Variants in RALYL observed in about 807,000 individuals in gnomAD.
RALYL encodes the protein RALY RNA binding protein like.
Under a neutral mutation model 35.1 loss-of-function variants are expected in RALYL, and 29 were observed. That is an observed-to-expected ratio of 0.83 (90% CI 0.61 to 1.13). The LOEUF (loss-of-function observed/expected upper bound fraction) is 1.13. Among genes scored for constraint, RALYL ranks in the 50% most tolerant of loss-of-function variants. The pLI, the probability that RALYL is intolerant of heterozygous loss-of-function variation, is 0.00. For synonymous variants in RALYL, 120 were observed against 127.6 expected, an observed-to-expected ratio of 0.94 and a Z score of 0.40; for missense variants, 359 against 360.4, an observed-to-expected ratio of 1.00 and a Z score of 0.03.
chr8:84,605,755 C>T (rs974280744), intron 2 of RALYL, among the ~76,000 whole-genome samples: 2 of 152,068 alleles, frequency 1.3e-5, no homozygotes, highest in African/African-American at 4.8e-5. Context: ...TTGGCCCAAC[C>T]GGTATGAACT....
chr8:84,583,764 G>T (rs1229419745), intron 2 of RALYL, among the ~76,000 whole-genome samples: 2 of 152,110 alleles, frequency 1.3e-5, no homozygotes. Flanking sequence ...GCTAGGCACT[G>T]CTAGGAGGCT....
intron 2 of RALYL, among the ~76,000 whole-genome samples, chr8:84,754,196 G>A (rs563608233): frequency 2.6e-5 from 4 of 151,476 alleles, no homozygotes; most frequent in African/African-American, 7.3e-5. Flanking sequence ...TTGGTGTTTT[G>A]GACATGAAGT....
intron 4 of RALYL, among the ~76,000 whole-genome samples, chr8:84,805,725 T>G (rs1824432467): frequency 6.6e-6 from 1 of 152,122 alleles, no homozygotes. Context: ...CAATAATATG[T>G]TTTTGACATG....
At chr8:84,873,050 A>C (rs1840508205) in intron 6 of RALYL, 1 of 367,452 alleles carries the variant, frequency 2.7e-6, no homozygotes, top group Admixed American at 4.6e-5. Context: ...CATAACCTTC[A>C]GTCAAAAGAT....
rs578252299 is a variant in RALYL at position 84,337,931 on chromosome 8, C to A, written c.-24+153507C>A. Among the ~76,000 whole-genome samples the A allele has an allele frequency of 8.2e-4, 124 of 152,074 alleles. 2 individuals carry two copies. The South Asian group carries it at 0.019, about 23-fold the overall frequency. On this transcript the variant is annotated intron_variant, in intron 1 of 8. Transcript: ENST00000521268. ...CATTCACTGGGAGCTTAAAAAATTC[C>A]CAGAATCATTCTGGGTACCATAATA...
At chr8:84,387,461 T>A (rs371778242) in intron 1 of RALYL, among the ~76,000 whole-genome samples, 1 of 151,908 alleles carries the variant, frequency 6.6e-6, no homozygotes. Context: ...CAGGCTGTAC[T>A]TAATTCAGGT....
intron 1 of RALYL, among the ~76,000 whole-genome samples, chr8:84,289,391 A>T (rs2132199588): frequency 6.6e-6 from 1 of 152,342 alleles, no homozygotes; most frequent in South Asian, 2.1e-4. Flanking sequence ...GGAAGCAGGT[A>T]CGGAGTTTTT....
intron 2 of RALYL, among the ~76,000 whole-genome samples, chr8:84,617,066 G>A (rs1232119701): frequency 6.6e-6 from 1 of 150,802 alleles, no homozygotes; most frequent in Admixed American, 6.6e-5. Flanking sequence ...GATTGACTCG[G>A]TGATGCAGGC....
intron 3 of RALYL, among the ~76,000 whole-genome samples, chr8:84,800,750 G>A (rs1249951130): frequency 1.3e-5 from 2 of 152,116 alleles, no homozygotes; most frequent in African/African-American, 4.8e-5. Flanking sequence ...AGATTAAATT[G>A]ATAAATAATT....
At chr8:84,900,228 C>T (rs1443001012) in intron 8 of RALYL, among the ~76,000 whole-genome samples, 2 of 151,990 alleles carry the variant, frequency 1.3e-5, no homozygotes, top group South Asian at 4.1e-4. Flanking sequence ...TAAAAATAAG[C>T]TTTAAATATA....
intron 2 of RALYL, among the ~76,000 whole-genome samples, chr8:84,637,695 C>T (rs1825369233): frequency 6.6e-6 from 1 of 151,780 alleles, no homozygotes; most frequent in Non-Finnish European, 1.5e-5. Context: ...CTATTTCTAG[C>T]TGTGGTCCTC....
At chr8:84,206,070 T>G (rs537474154) in intron 1 of RALYL, among the ~76,000 whole-genome samples, 1 of 152,142 alleles carries the variant, frequency 6.6e-6, no homozygotes, top group South Asian at 2.1e-4. Flanking sequence ...TCATTTTACT[T>G]TTATTACCTC....
chr8:84,370,146 G>A (rs1056654409), intron 1 of RALYL, among the ~76,000 whole-genome samples: 5 of 152,038 alleles, frequency 3.3e-5, no homozygotes, highest in African/African-American at 9.7e-5. Flanking sequence ...TACAATTTTT[G>A]TTCTAGGATG....
At chr8:84,364,510 T>G (rs1246666758) in intron 1 of RALYL, among the ~76,000 whole-genome samples, 1 of 148,328 alleles carries the variant, frequency 6.7e-6, no homozygotes, top group East Asian at 2.0e-4. Flanking sequence ...TTCTTATTCT[T>G]AGCTTATTCT....
intron 2 of RALYL, among the ~76,000 whole-genome samples, chr8:84,565,588 A>T (rs2061731506): frequency 6.6e-6 from 1 of 151,594 alleles, no homozygotes; most frequent in Admixed American, 6.6e-5. Flanking sequence ...AATTTTTTTG[A>T]AAAATTAAAC....
intron 1 of RALYL, among the ~76,000 whole-genome samples, chr8:84,194,270 G>A (rs1814683646): frequency 1.3e-5 from 2 of 151,898 alleles, no homozygotes; most frequent in South Asian, 4.1e-4. Context: ...GTGAGGAGGT[G>A]GAAAGGAAAA....
intron 5 of RALYL, among the ~76,000 whole-genome samples, chr8:84,850,709 C>G (rs982359741): frequency 1.3e-5 from 2 of 152,286 alleles, no homozygotes; most frequent in African/African-American, 4.8e-5. Context: ...GTAGTTGAAA[C>G]AGTGCATGCC....
intron 2 of RALYL, among the ~76,000 whole-genome samples, chr8:84,531,736 T>A (rs1465555821): frequency 6.6e-6 from 1 of 152,078 alleles, no homozygotes; most frequent in Non-Finnish European, 1.5e-5. Flanking sequence ...CAGTTTAAGA[T>A]CAATTAAAAG....
At chr8:84,382,704 G>A (rs1262193169) in intron 1 of RALYL, among the ~76,000 whole-genome samples, 5 of 151,548 alleles carry the variant, frequency 3.3e-5, no homozygotes, top group African/African-American at 1.2e-4. Context: ...AACTTGAAAT[G>A]CCAGGCATTT....
Sources: allele counts gnomAD v4.1 joint callset (sites outside exome capture counted in the v4.1 genomes callset), GRCh38; gene constraint gnomAD v4.1.1; transcripts MANE v1.5; gene names NCBI Gene and HGNC (gene_info 2026-07-23, HGNC 2026-07-21).